The following TENM2 variants were observed in gnomAD, a reference collection of about 807,000 sequenced individuals.
TENM2 encodes the protein teneurin-2.
In TENM2, 52 loss-of-function variants were observed where a neutral mutation model predicts 245.2. That is an observed-to-expected ratio of 0.21 (90% CI 0.17 to 0.27). TENM2 has a LOEUF of 0.27. Among genes scored for constraint, TENM2 ranks in the 10% least tolerant of loss-of-function variants. The pLI is 1.00. For synonymous variants in TENM2, 1,363 were observed against 1,438.9 expected (o/e 0.95, Z 1.19); for missense variants, 3,046 against 3,666.8 (o/e 0.83, Z 4.37).
intron 20 of TENM2, among the ~76,000 whole-genome samples, chr5:168,213,968 A>G (rs1461443946): frequency 6.6e-6 from 1 of 152,238 alleles, no homozygotes; most frequent in Non-Finnish European, 1.5e-5. Flanking sequence ...TAACATGAGC[A>G]CCTATTCTGG....
the TENM2 span, among the ~76,000 whole-genome samples, chr5:166,982,327 A>G: frequency 6.6e-6 from 1 of 152,146 alleles, no homozygotes; most frequent in African/African-American, 2.4e-5. Flanking sequence ...TGCTATAGCT[A>G]CTGAATGTTT....
At chr5:167,796,038 A>G (rs1489504634) in intron 2 of TENM2, among the ~76,000 whole-genome samples, 2 of 152,156 alleles carry the variant, frequency 1.3e-5, no homozygotes, top group African/African-American at 4.8e-5. Flanking sequence ...GAGACTATGG[A>G]TGCTAGAGAA....
intron 1 of TENM2, among the ~76,000 whole-genome samples, chr5:167,344,309 C>CACATAT (rs1554136979): frequency 5.0e-3 from 426 of 84,498 alleles, no homozygotes; most frequent in African/African-American, 0.013. Context: ...CACACACACA[C>CACATAT]ATATATATAT....
chr5:168,034,272 G>A (rs1787461606), intron 5 of TENM2, among the ~76,000 whole-genome samples: 1 of 149,810 alleles, frequency 6.7e-6, no homozygotes, highest in South Asian at 2.1e-4. Context: ...ACTTGAACCT[G>A]GGAGGGTGCA....
intron 6 of TENM2, among the ~76,000 whole-genome samples, chr5:168,049,960 G>A (rs887865763): frequency 6.6e-6 from 1 of 151,934 alleles, no homozygotes; most frequent in Non-Finnish European, 1.5e-5. Flanking sequence ...GTGCCACCAC[G>A]CCTGGCTAAT....
Position 168,236,757 on chromosome 5 carries a change from G to A in TENM2, c.5521-7663G>A, listed in dbSNP as rs117752097. On this transcript the variant is annotated intron_variant, in intron 25 of 28. Transcript: ENST00000518659. ...AGTCCCAGTAACAAACACAGAGTAG[G>A]TGCCCAGTAAATATTGAATGAAAGA... 1.4e-3 allele frequency among the ~76,000 whole-genome samples: 209 copies of A among 151,018 alleles called. 1 individual carries two copies. The highest frequency in any genetic ancestry group is 0.013 in the East Asian group (64 of 5,074).
intron 4 of TENM2, among the ~76,000 whole-genome samples, chr5:167,984,863 C>A (rs1013622120): frequency 6.6e-6 from 1 of 152,122 alleles, no homozygotes; most frequent in East Asian, 1.9e-4. Flanking sequence ...TTTCTCTCCA[C>A]GTTCCATGTC....
the TENM2 span, among the ~76,000 whole-genome samples, chr5:167,189,508 CCT>C: frequency 6.6e-6 from 1 of 151,462 alleles, no homozygotes; most frequent in Non-Finnish European, 1.5e-5. Flanking sequence ...CTTCCTTCCC[CCT>C]TTCTTCCTTC....
At chr5:167,962,518 A>G (rs773272405) in intron 4 of TENM2, among the ~76,000 whole-genome samples, 1 of 152,224 alleles carries the variant, frequency 6.6e-6, no homozygotes, top group Non-Finnish European at 1.5e-5. Flanking sequence ...GAAATGTATG[A>G]TTCTGTTTTA....
intron 13 of TENM2, among the ~76,000 whole-genome samples, chr5:168,174,685 C>T (rs1011429260): frequency 1.3e-5 from 2 of 152,150 alleles, no homozygotes; most frequent in Admixed American, 6.6e-5. Context: ...TTCCTCCGAG[C>T]GTGTCAGCCC....
At chr5:168,184,516 C>T (rs1000950631) in intron 13 of TENM2, among the ~76,000 whole-genome samples, 1 of 152,216 alleles carries the variant, frequency 6.6e-6, no homozygotes, top group African/African-American at 2.4e-5. Context: ...AACCAAGCTA[C>T]AGGGAGAAAA....
intron 1 of TENM2, among the ~76,000 whole-genome samples, chr5:167,312,818 G>T (rs1756118307): frequency 6.6e-6 from 1 of 151,510 alleles, no homozygotes; most frequent in Non-Finnish European, 1.5e-5. Flanking sequence ...TTCTCGGAGG[G>T]TTCAGCACAT....
intron 2 of TENM2, among the ~76,000 whole-genome samples, chr5:167,625,523 AT>A (rs1412521033): frequency 2.6e-5 from 4 of 152,198 alleles, no homozygotes; most frequent in Non-Finnish European, 5.9e-5. Context: ...ATGTGTGATC[AT>A]TTTTTATGTG....
At chr5:167,580,873 C>T (rs1775043714) in intron 2 of TENM2, among the ~76,000 whole-genome samples, 1 of 152,168 alleles carries the variant, frequency 6.6e-6, no homozygotes, top group Non-Finnish European at 1.5e-5. Context: ...CTTGTAATAC[C>T]AGGTACTCAG....
At chr5:168,221,608 G>A in intron 23 of TENM2, among the ~76,000 whole-genome samples, 1 of 152,128 alleles carries the variant, frequency 6.6e-6, no homozygotes, top group East Asian at 1.9e-4. Context: ...GAAAGGGGTA[G>A]GAAAAAATAA....
chr5:167,727,482 C>T (rs1309350181), intron 2 of TENM2, among the ~76,000 whole-genome samples: 1 of 152,144 alleles, frequency 6.6e-6, no homozygotes, highest in East Asian at 1.9e-4. Context: ...CTGAGTCCCA[C>T]CTAAAACAAA....
At chr5:167,912,969 G>A (rs1171897752) in intron 3 of TENM2, among the ~76,000 whole-genome samples, 1 of 152,086 alleles carries the variant, frequency 6.6e-6, no homozygotes, top group African/African-American at 2.4e-5. Context: ...CAGCCAAGCA[G>A]CAAGAAAGGT....
At chr5:167,069,059 T>A in the TENM2 span, among the ~76,000 whole-genome samples, 1 of 152,336 alleles carries the variant, frequency 6.6e-6, no homozygotes, top group South Asian at 2.1e-4. Flanking sequence ...TATGTATTTT[T>A]ATTCATTAGA....
chr5:167,882,382 G>C (rs1373827926), intron 3 of TENM2, among the ~76,000 whole-genome samples: 1 of 152,174 alleles, frequency 6.6e-6, no homozygotes, highest in Non-Finnish European at 1.5e-5. Flanking sequence ...AATGTAGTGG[G>C]AAGCTCTAAA....
Sources: allele counts gnomAD v4.1 joint callset (sites outside exome capture counted in the v4.1 genomes callset), GRCh38; gene constraint gnomAD v4.1.1; transcripts MANE v1.5; gene names NCBI Gene and HGNC (gene_info 2026-07-23, HGNC 2026-07-21).